Variants in SPATA17 observed in about 807,000 individuals in gnomAD.
SPATA17 encodes spermatogenesis associated 17.
Under a neutral mutation model 62.2 loss-of-function variants are expected in SPATA17, and 53 were observed. The observed-to-expected ratio is 0.85, with a 90% CI of 0.68 to 1.07. The LOEUF (loss-of-function observed/expected upper bound fraction) is 1.07, where lower values mean the gene tolerates loss of function less well. SPATA17 is among the 50% of genes least tolerant of loss of function. The pLI is 0.00. For missense variants in SPATA17, 466 were observed against 425.5 expected, an observed-to-expected ratio of 1.10 and a Z score of -0.84; for synonymous variants, 146 against 146.8, an observed-to-expected ratio of 0.99 and a Z score of 0.04.
chr1:217,809,038 G>A (rs1006800158), intron 9 of SPATA17, among the ~76,000 whole-genome samples: 1 of 151,988 alleles, frequency 6.6e-6, no homozygotes, highest in African/African-American at 2.4e-5. Flanking sequence ...GTTACAGATG[G>A]ATCTTCCTTA....
chr1:217,782,164 G>A lies in SPATA17; in HGVS notation c.724-10G>A. The A allele has an allele frequency of 1.3e-6, 2 of 1,577,166 alleles. No individual in the cohort carries two copies. Among genetic ancestry groups the A allele is most frequent in the Non-Finnish European group, 1.7e-6 (2 of 1,165,056 alleles). ...CCATATAAAATATGTTCCTCATCCT[G>A]TCTTGTCAGGGGCCCTTCCGAGATA... On this transcript the variant is annotated splice_polypyrimidine_tract_variant and intron_variant, in intron 7 of 10. Coordinates refer to ENST00000366933, the MANE Select transcript of SPATA17 (RefSeq NM_138796.4).
At chr1:217,758,211 C>T (rs938955830) in intron 6 of SPATA17, among the ~76,000 whole-genome samples, 2 of 152,124 alleles carry the variant, frequency 1.3e-5, no homozygotes, top group Admixed American at 6.6e-5. Context: ...ATGAGATAGA[C>T]TATTACTTCC....
In SPATA17 at chr1:217,774,472, T is replaced by C. The variant is rs770903541; in HGVS notation, c.658T>C (p.Cys220Arg). Residue 220 changes from cysteine (C) to arginine (R), a missense_variant, in exon 7 of 11, where the codon TGT becomes CGT. By Grantham distance (180) the Cys-to-Arg change is radical. Transcript: ENST00000366933. ...CACCAGCCTTACTGATTGGCTAGCTTGTACAAGCGCCCGTTCTTTTCCTCG... is the reference window on the plus strand; with the variant it reads ...CACCAGCCTTACTGATTGGCTAGCTCGTACAAGCGCCCGTTCTTTTCCTCG... ...DSTSLTDWLA[C>R]TSARSFPRSE... is the part of the protein sequence containing the mutation. 3.1e-6 allele frequency: 5 copies of C among 1,614,034 alleles called. No homozygotes were observed. The highest frequency in any genetic ancestry group is 4.2e-6 in the Non-Finnish European group (5 of 1,180,014).
intron 9 of SPATA17, among the ~76,000 whole-genome samples, chr1:217,858,875 A>G (rs964376097): frequency 6.6e-6 from 1 of 151,922 alleles, no homozygotes; most frequent in Admixed American, 6.6e-5. Context: ...TAAAAATACA[A>G]AAATTAGCCA....
intron 5 of SPATA17, among the ~76,000 whole-genome samples, chr1:217,714,762 GGC>G (rs1250017705): frequency 6.6e-6 from 1 of 151,984 alleles, no homozygotes; most frequent in Non-Finnish European, 1.5e-5. Flanking sequence ...TGGGATTACA[GGC>G]GTGAGCCACC....
rs1248987599 is a variant in SPATA17, at chr1:217,749,981, C to CTATATA, written c.519+7884_519+7885insATATAT. On this transcript the variant is annotated intron_variant, in intron 6 of 10. Coordinates refer to ENST00000366933, the MANE Select transcript of SPATA17 (RefSeq NM_138796.4). Reference sequence around the variant, plus strand: ...TCTCTCTCTCTCTCTCTCTCTCTCTCTCTCTATATATATATATATATATAT... The same window carrying CTATATA: ...TCTCTCTCTCTCTCTCTCTCTCTCTCTATATATCTCTATATATATATATATATATAT... 5.3e-3 allele frequency among the ~76,000 whole-genome samples: 144 copies of CTATATA among 26,944 alleles called. 1 individual carries two copies. The highest frequency in any genetic ancestry group is 6.8e-3 in the South Asian group (6 of 886). 17.7% of individuals were successfully genotyped at this position (26,944 alleles called of 152,430 possible). A position where few individuals can be genotyped will look rare whatever the true frequency, so the allele number is the denominator to read the frequency against.
At chr1:217,769,762 T>C (rs933998095) in intron 6 of SPATA17, among the ~76,000 whole-genome samples, 8 of 152,234 alleles carry the variant, frequency 5.3e-5, no homozygotes, top group Non-Finnish European at 8.8e-5. Context: ...ATCCCTAATG[T>C]TTCCATGAAA....
intron 5 of SPATA17, among the ~76,000 whole-genome samples, chr1:217,711,944 G>A (rs536964866): frequency 3.9e-5 from 6 of 152,190 alleles, no homozygotes; most frequent in Non-Finnish European, 1.5e-5. Flanking sequence ...AGGGACTTGA[G>A]GTAGATATGT....
intron 6 of SPATA17, among the ~76,000 whole-genome samples, chr1:217,768,150 C>T (rs1329244768): frequency 1.3e-5 from 2 of 152,038 alleles, no homozygotes; most frequent in East Asian, 3.9e-4. Flanking sequence ...GAGACTGAGG[C>T]AGGGTAATCA....
intron 9 of SPATA17, among the ~76,000 whole-genome samples, chr1:217,817,772 C>A (rs969253283): frequency 9.2e-5 from 14 of 152,048 alleles, no homozygotes; most frequent in Admixed American, 6.6e-4. Context: ...ATTTTCTGAT[C>A]TGCTGTTGGC....
At chr1:217,809,586 A>C in intron 9 of SPATA17, among the ~76,000 whole-genome samples, 1 of 97,528 alleles carries the variant, frequency 1.0e-5, no homozygotes, top group East Asian at 8.7e-4. Flanking sequence ...ATTTATAATA[A>C]CAAACCCTTG....
At chr1:217,827,061 T>A (rs1462344471) in intron 9 of SPATA17, among the ~76,000 whole-genome samples, 1 of 152,086 alleles carries the variant, frequency 6.6e-6, no homozygotes, top group Non-Finnish European at 1.5e-5. Flanking sequence ...AAATCTCTAA[T>A]GCTCTCTGTA....
At chr1:217,655,023 T>C (rs1431830247) in intron 3 of SPATA17, among the ~76,000 whole-genome samples, 1 of 152,206 alleles carries the variant, frequency 6.6e-6, no homozygotes, top group East Asian at 1.9e-4. Context: ...CATAATCTTA[T>C]TACAATATTA....
chr1:217,656,076 G>A (rs932152908), intron 3 of SPATA17, among the ~76,000 whole-genome samples: 1 of 152,006 alleles, frequency 6.6e-6, no homozygotes, highest in Admixed American at 6.6e-5. Flanking sequence ...TAGAGATGGG[G>A]TTTCACCATG....
chr1:217,826,814 A>G (rs536604108), intron 9 of SPATA17, among the ~76,000 whole-genome samples: 17 of 152,224 alleles, frequency 1.1e-4, no homozygotes, highest in South Asian at 6.2e-4. Flanking sequence ...AATTCCAGAT[A>G]GGTACATAAT....
chr1:217,658,399 C>G (rs1281705317), intron 3 of SPATA17, among the ~76,000 whole-genome samples: 1 of 152,176 alleles, frequency 6.6e-6, no homozygotes, highest in Non-Finnish European at 1.5e-5. Flanking sequence ...TGAGGCCTCA[C>G]TAGAAGCGGA....
chr1:217,696,425 A>T (rs1671462229), intron 5 of SPATA17, among the ~76,000 whole-genome samples: 1 of 152,120 alleles, frequency 6.6e-6, no homozygotes. Flanking sequence ...CCGGTACCTC[A>T]GATGGAAATG....
intron 3 of SPATA17, among the ~76,000 whole-genome samples, chr1:217,668,746 A>G (rs1670764548): frequency 6.6e-6 from 1 of 152,166 alleles, no homozygotes; most frequent in Non-Finnish European, 1.5e-5. Flanking sequence ...CTGCTTTGTT[A>G]TTCTATTCTC....
intron 9 of SPATA17, among the ~76,000 whole-genome samples, chr1:217,806,438 C>T (rs773791437): frequency 1.4e-4 from 21 of 152,178 alleles, no homozygotes; most frequent in Non-Finnish European, 2.6e-4. Context: ...GGAGTAGCAG[C>T]CCCAGTGATC....
Sources: gnomAD v4.1 joint callset for allele counts (sites outside exome capture counted in the v4.1 genomes callset) on GRCh38, gnomAD v4.1.1 for gene constraint, MANE v1.5 for transcripts, NCBI Gene and HGNC (gene_info 2026-07-23, HGNC 2026-07-21) for gene names.